Variants in STON2 observed in about 807,000 individuals in gnomAD.
STON2 encodes the protein stonin-2.
A neutral mutation model predicts 65.7 loss-of-function variants in STON2; 29 were observed. The observed-to-expected ratio is 0.44, with a 90% CI of 0.33 to 0.60. The LOEUF (loss-of-function observed/expected upper bound fraction) is 0.60. Ranked by LOEUF, STON2 falls within the 20% of genes least tolerant of loss-of-function variation. The probability of loss-of-function intolerance (pLI) is 0.03; values close to 1 mark genes in which losing one functional copy is unlikely to be tolerated. For synonymous variants in STON2, 404 were observed against 414.2 expected (o/e 0.98, Z 0.30); for missense variants, 1,054 against 1,118.1 (o/e 0.94, Z 0.82).
intron 3 of STON2, among the ~76,000 whole-genome samples, chr14:81,390,185 C>T (rs1900011557): frequency 6.8e-6 from 1 of 148,034 alleles, no homozygotes; most frequent in South Asian, 2.1e-4. Flanking sequence ...CAGAGTGAGA[C>T]TCCATTTCAA....
chr14:81,421,307 T>A lies in STON2; in HGVS notation c.-199+5795A>T, dbSNP rs150786850. Among the ~76,000 whole-genome samples, 84 of 152,264 alleles carry A rather than the reference T, an allele frequency of 5.5e-4. 2 individuals carry two copies. In the South Asian group the frequency reaches 0.011, roughly 20 times the overall value. ...AAGCAATGAGCCAGAAGGAGAAAAGTAAGACAGGAGGCTGGAGAGCTAGGA... is the reference window on the plus strand; with the variant it reads ...AAGCAATGAGCCAGAAGGAGAAAAGAAAGACAGGAGGCTGGAGAGCTAGGA... On this transcript the variant is annotated intron_variant, in intron 2 of 8. Coordinates refer to the STON2 transcript ENST00000553821.
chr14:81,270,544 T>C lies in STON2; in HGVS notation c.2784+126A>G, dbSNP rs1289293984. ...GCACCCACAGCTATGTATGGTGAACTTCCTCTAAGGCAGTAAGAGGTTACC... is the reference window on the plus strand; with the variant it reads ...GCACCCACAGCTATGTATGGTGAACCTCCTCTAAGGCAGTAAGAGGTTACC... On this transcript the variant is annotated intron_variant, in intron 7 of 7. Transcript: ENST00000614646. The C allele has an allele frequency of 2.5e-6, 4 of 1,582,274 alleles. No individual in the cohort carries two copies. The Admixed American group carries it at 5.1e-5, about 20-fold the overall frequency.
At chr14:81,339,361 C>T (rs972297546) in intron 4 of STON2, among the ~76,000 whole-genome samples, 29 of 152,168 alleles carry the variant, frequency 1.9e-4, no homozygotes, top group Middle Eastern at 3.4e-3. Context: ...TTTGTAAATG[C>T]GGGAGGGACA....
intron 4 of STON2, among the ~76,000 whole-genome samples, chr14:81,345,023 T>C (rs1595376232): frequency 6.6e-6 from 1 of 152,292 alleles, no homozygotes; most frequent in African/African-American, 2.4e-5. Flanking sequence ...AACTCTTTCC[T>C]CCTTATTACA....
At chr14:81,390,900 C>G (rs540776129) in intron 3 of STON2, among the ~76,000 whole-genome samples, 38 of 152,338 alleles carry the variant, frequency 2.5e-4, no homozygotes, top group African/African-American at 8.7e-4. Context: ...TATCTTGCAG[C>G]TTCTGGTGGC....
At position 81,278,118 on chromosome 14, in the gene STON2, C is replaced by T. The variant is rs756351663; in HGVS notation, c.1364G>A (p.Ser455Asn). 6.2e-7 allele frequency: 1 copy of T among 1,614,082 alleles called. No individual in the cohort carries two copies. The highest frequency in any genetic ancestry group is 1.3e-5 in the African/African-American group (1 of 74,914). ...TGGGTCATCATCAGGTAGAGTTGCA[C>T]TGCCAAAGTGATCAGGGTCATCAAT... ...LQIDDPDHFGSATLPDDDPVA... is the reference protein window; with the variant it reads ...LQIDDPDHFGNATLPDDDPVA... The change falls in exon 6 of 8, where the codon AGT becomes AAT. Residue 455 changes from serine (S) to asparagine (N), a missense_variant. Transcript: ENST00000614646.
chr14:81,384,824 T>C (rs1416295809), intron 3 of STON2, among the ~76,000 whole-genome samples: 1 of 152,254 alleles, frequency 6.6e-6, no homozygotes, highest in African/African-American at 2.4e-5. Flanking sequence ...TCCTTTATAT[T>C]TTGATGTTTA....
At chr14:81,419,521 T>C (rs544178425) in intron 2 of STON2, among the ~76,000 whole-genome samples, 1 of 152,324 alleles carries the variant, frequency 6.6e-6, no homozygotes, top group East Asian at 1.9e-4. Context: ...ATGATGGATC[T>C]TTTTCTACTA....
rs1894227960 is a variant in STON2 at position 81,263,431 on chromosome 14, GGGAGGTT to G, written c.*4976_*4982del. 1.3e-5 allele frequency among the ~76,000 whole-genome samples: 2 copies of G among 151,284 alleles called. No homozygotes were observed. The highest frequency in any genetic ancestry group is 4.9e-5 in the African/African-American group (2 of 41,124). On this transcript the variant is annotated 3_prime_UTR_variant, in exon 8 of 8. Coordinates refer to ENST00000614646, the MANE Select transcript of STON2 (RefSeq NM_001394390.1). ...CACATGCCTGTAGTCCCAGCTACTC[GGGAGGTT>G]GAGGCAGGAGAATCACTTGAACCCG... is the stretch of plus-strand genomic sequence containing the variant.
rs375251476 is a variant in STON2, at chr14:81,413,032, G to A, written c.-199+14070C>T. ...TGTCGGAAGAGACGCAGCAGAACTC[G>A]GTGGAGTGCGCTCCTCAGGCGCTGG... is the stretch of plus-strand genomic sequence containing the variant. On this transcript the variant is annotated intron_variant, in intron 2 of 8. Coordinates refer to the STON2 transcript ENST00000553821. 1.9e-4 allele frequency: 193 copies of A among 1,002,966 alleles called. 54 individuals carry two copies. In the African/African-American group the frequency reaches 3.0e-3, roughly 16 times the overall value. The allele number at this position is 1,002,966 out of a possible 1,614,324, so 62.1% of individuals were successfully genotyped here.
chr14:81,363,104 G>T (rs1013360830), intron 4 of STON2, among the ~76,000 whole-genome samples: 3 of 152,182 alleles, frequency 2.0e-5, no homozygotes, highest in Non-Finnish European at 4.4e-5. Flanking sequence ...GTGAGCCCAG[G>T]AAAGAGACTT....
chr14:81,311,885 A>C (rs1350280660), intron 5 of STON2, among the ~76,000 whole-genome samples: 1 of 152,224 alleles, frequency 6.6e-6, no homozygotes, highest in Non-Finnish European at 1.5e-5. Flanking sequence ...AAGGTTGGCC[A>C]ATTAATATTG....
chr14:81,355,059 C>T, intron 4 of STON2, among the ~76,000 whole-genome samples: 1 of 150,654 alleles, frequency 6.6e-6, no homozygotes, highest in African/African-American at 2.4e-5. Flanking sequence ...TGAGTGAGCT[C>T]AAAGACAGAA....
rs771293106 is a variant in STON2, at chr14:81,270,972, G to A, written c.2582-100C>T. The A allele has an allele frequency of 6.1e-5, 89 of 1,449,350 alleles. 1 individual carries two copies. The highest frequency in any genetic ancestry group is 1.7e-4 in the East Asian group (7 of 41,118). 89.8% of individuals were successfully genotyped at this position (1,449,350 alleles called of 1,614,324 possible). A position where few individuals can be genotyped will look rare whatever the true frequency, so the allele number is the denominator to read the frequency against. On this transcript the variant is annotated intron_variant, in intron 6 of 7. Coordinates refer to ENST00000614646, the MANE Select transcript of STON2 (RefSeq NM_001394390.1). ...GGTAATAAAGGAGGCCTGTGGGCTC[G>A]GCACCCGGCAGCCTTTCAGAGGGTC... is the stretch of plus-strand genomic sequence containing the variant.
intron 4 of STON2, among the ~76,000 whole-genome samples, chr14:81,338,924 C>T (rs546972416): frequency 2.2e-4 from 33 of 152,118 alleles, no homozygotes; most frequent in Non-Finnish European, 2.9e-4. Flanking sequence ...TGAGCTGAAC[C>T]TGGACAGAAA....
rs541595414 is a variant in STON2, at chr14:81,325,936, TA to T, written c.572-1750del. Among the ~76,000 whole-genome samples, 537 of 144,384 alleles carry T rather than the reference TA, an allele frequency of 3.7e-3. 2 individuals are homozygous for T. The highest frequency in any genetic ancestry group is 8.6e-3 in the South Asian group (39 of 4,544). 94.7% of individuals were successfully genotyped at this position (144,384 alleles called of 152,430 possible). On this transcript the variant is annotated intron_variant, in intron 4 of 7. Transcript: ENST00000614646. Reference sequence around the variant, plus strand: ...ATACTACACGTTTTACTCTACGGGTTAAAAAAAAAAAAGTGACAGAGAAACG... The same window carrying T: ...ATACTACACGTTTTACTCTACGGGTTAAAAAAAAAAAGTGACAGAGAAACG...
chr14:81,378,903 C>T (rs189665631), intron 3 of STON2, among the ~76,000 whole-genome samples: 1 of 152,172 alleles, frequency 6.6e-6, no homozygotes, highest in African/African-American at 2.4e-5. Context: ...TAATTTTTAG[C>T]AAATTAGAAA....
upstream of STON2, among the ~76,000 whole-genome samples, chr14:81,404,986 T>A (rs1469353182): frequency 6.6e-6 from 1 of 152,192 alleles, no homozygotes; most frequent in Admixed American, 6.5e-5. Context: ...ATATAATGTG[T>A]CTTCTTTCCT....
chr14:81,292,338 A>G (rs1895590073), intron 5 of STON2, among the ~76,000 whole-genome samples: 3 of 152,190 alleles, frequency 2.0e-5, no homozygotes, highest in Non-Finnish European at 4.4e-5. Context: ...CAATGACAAA[A>G]AGAGGAGAGG....
Sources: allele counts gnomAD v4.1 joint callset (sites outside exome capture counted in the v4.1 genomes callset), GRCh38; gene constraint gnomAD v4.1.1; transcripts MANE v1.5; gene names NCBI Gene and HGNC (gene_info 2026-07-23, HGNC 2026-07-21).